LRP2: variants seen among roughly 807,000 people sequenced by gnomAD.
The protein encoded by LRP2 is low-density lipoprotein receptor-related protein 2.
Under a neutral mutation model 531.0 loss-of-function variants are expected in LRP2, and 172 were observed. The observed-to-expected ratio is 0.32, with a 90% CI of 0.29 to 0.37. LRP2 has a LOEUF of 0.37. Ranked by LOEUF, LRP2 falls within the 10% of genes least tolerant of loss-of-function variation. The probability of loss-of-function intolerance (pLI) is 1.00; values close to 1 mark genes in which losing one functional copy is unlikely to be tolerated. For synonymous variants in LRP2, 1,992 were observed against 2,027.6 expected (o/e 0.98, Z 0.47); for missense variants, 5,167 against 5,868.3 (o/e 0.88, Z 3.90).
rs772588594 is a variant in LRP2 at position 169,238,252 on chromosome 2, C to A, written c.4345G>T (p.Asp1449Tyr). The A allele has an allele frequency of 2.5e-6, 4 of 1,614,090 alleles. No individual in the cohort carries two copies. The South Asian group carries it at 3.3e-5, about 13-fold the overall frequency. ...LVASQNKIIA[D>Y]SVTSQVHNIY... Reference sequence around the variant, plus strand: ...TTGTGGACCTGGGAGGTGACACTGTCGGCAATAATTTTGTTCTGACTTGCC... The same window carrying A: ...TTGTGGACCTGGGAGGTGACACTGTAGGCAATAATTTTGTTCTGACTTGCC... The change falls in exon 27 of 79, where the codon GAC (aspartate) becomes TAC (tyrosine). Residue 1449 changes from aspartate (D) to tyrosine (Y), a missense_variant. Coordinates refer to ENST00000649046, the MANE Select transcript of LRP2 (RefSeq NM_004525.3).
At chr2:169,149,221 G>T (rs915103207) in intron 68 of LRP2, among the ~76,000 whole-genome samples, 2 of 152,148 alleles carry the variant, frequency 1.3e-5, no homozygotes, top group Non-Finnish European at 2.9e-5. Context: ...AGAGTAGCTG[G>T]CACACAGCAA....
intron 61 of LRP2, among the ~76,000 whole-genome samples, chr2:169,167,341 A>T (rs945961330): frequency 6.6e-6 from 1 of 152,166 alleles, no homozygotes; most frequent in African/African-American, 2.4e-5. Context: ...TCACAAGTCA[A>T]ATCTCTGGGC....
chr2:169,244,667 C>T (rs1298103464), intron 22 of LRP2, 26 bp downstream of exon 22: 1 of 1,614,042 alleles, frequency 6.2e-7, no homozygotes, highest in African/African-American at 1.3e-5. Flanking sequence ...GGCTGACCAA[C>T]CAAGGGAAAC....
At chr2:169,157,260 G>A in intron 64 of LRP2, 111 bp downstream of exon 64, 1 of 1,152,452 alleles carries the variant, frequency 8.7e-7, no homozygotes. Context: ...GAAACCATGA[G>A]TATGGTACCA....
chr2:169,221,741 A>T (rs1055178676), intron 33 of LRP2, among the ~76,000 whole-genome samples: 1 of 150,604 alleles, frequency 6.6e-6, no homozygotes, highest in African/African-American at 2.4e-5. Context: ...TTTTCTCTAA[A>T]TTTTTTTCTC....
At chr2:169,194,265 C>T (rs1365807542) in intron 46 of LRP2, among the ~76,000 whole-genome samples, 1 of 152,212 alleles carries the variant, frequency 6.6e-6, no homozygotes, top group Admixed American at 6.5e-5. Context: ...AGTCTCCCCT[C>T]GCCTGCACTC....
At chr2:169,342,399 C>A (rs1685587238) in intron 1 of LRP2, among the ~76,000 whole-genome samples, 1 of 152,122 alleles carries the variant, frequency 6.6e-6, no homozygotes, top group Non-Finnish European at 1.5e-5. Context: ...GTGCACAAGT[C>A]TAGTTCTACC....
At chr2:169,292,421 T>G (rs1684021437) in intron 6 of LRP2, 52 bp from the exon 7 acceptor site, 1 of 1,166,726 alleles carries the variant, frequency 8.6e-7, no homozygotes, top group Non-Finnish European at 1.3e-6. Context: ...CGGGAAAAAC[T>G]GAAAGTGCTC....
At chr2:169,281,146 G>A (rs1264916378) in intron 10 of LRP2, among the ~76,000 whole-genome samples, 1 of 152,180 alleles carries the variant, frequency 6.6e-6, no homozygotes, top group East Asian at 1.9e-4. Flanking sequence ...TTAAGGCCAG[G>A]CGCAGTGGCT....
intron 31 of LRP2, among the ~76,000 whole-genome samples, chr2:169,228,909 C>T (rs904511248): frequency 6.6e-6 from 1 of 152,212 alleles, no homozygotes; most frequent in Admixed American, 6.5e-5. Flanking sequence ...GACTTCACAA[C>T]ACTGCACACA....
At chr2:169,278,261 G>T (rs1055254981) in intron 12 of LRP2, among the ~76,000 whole-genome samples, 2 of 152,060 alleles carry the variant, frequency 1.3e-5, no homozygotes, top group African/African-American at 4.8e-5. Flanking sequence ...AACATAGAAG[G>T]ATTGCTTGAG....
intron 32 of LRP2, among the ~76,000 whole-genome samples, chr2:169,226,000 G>A (rs1689187630): frequency 6.6e-6 from 1 of 152,182 alleles, no homozygotes; most frequent in Non-Finnish European, 1.5e-5. Flanking sequence ...CCCTTAGGGA[G>A]CTACTACTTT....
At chr2:169,184,856 G>C (rs1687574906) in intron 50 of LRP2, among the ~76,000 whole-genome samples, 1 of 152,114 alleles carries the variant, frequency 6.6e-6, no homozygotes, top group Non-Finnish European at 1.5e-5. Flanking sequence ...CATCTCCTGG[G>C]CTTAAGGGAT....
rs763655058 is a variant in LRP2, at chr2:169,166,007, G to C, written c.11683C>G (p.Arg3895Gly). 1.9e-6 allele frequency: 3 copies of C among 1,613,978 alleles called. No individual in the cohort carries two copies. The highest frequency in any genetic ancestry group is 2.5e-6 in the Non-Finnish European group (3 of 1,179,914). ...SPNRFRCDNN[R>G]CIYSHEVCNG... ...CACACCTCATGACTATAAATGCAGC[G>C]ATTGTTGTCACACCGGAAACGGTTT... The change falls in exon 62 of 79, where the codon CGC becomes GGC. Residue 3895 changes from arginine (R) to glycine (G), a missense_variant. Around this residue, in one of 6 missense-constraint regions of LRP2, gnomAD observed 564 missense variants for 747.7 expected, o/e 0.75. Coordinates refer to ENST00000649046, the MANE Select transcript of LRP2 (RefSeq NM_004525.3).
intron 16 of LRP2, among the ~76,000 whole-genome samples, chr2:169,268,301 C>T (rs1559048572): frequency 6.6e-6 from 1 of 151,838 alleles, no homozygotes; most frequent in East Asian, 1.9e-4. Flanking sequence ...AGAGACACAA[C>T]AAAAAAAGAG....
chr2:169,163,663 T>A (rs1441372035), intron 62 of LRP2, among the ~76,000 whole-genome samples: 1 of 152,118 alleles, frequency 6.6e-6, no homozygotes, highest in Non-Finnish European at 1.5e-5. Context: ...GGTATGTTTC[T>A]GAGAGAAAGA....
intron 13 of LRP2, 50 bp downstream of exon 13, chr2:169,277,695 C>A (rs749372551): frequency 7.7e-5 from 116 of 1,511,032 alleles, no homozygotes; most frequent in South Asian, 6.8e-5. Context: ...CCATTTTATG[C>A]ACTTTCCCTG....
chr2:169,206,704 G>T lies in LRP2; in HGVS notation c.7016C>A (p.Ala2339Glu). 6.2e-7 allele frequency: 1 copy of T among 1,614,140 alleles called. No homozygotes were observed. The highest frequency in any genetic ancestry group is 2.2e-5 in the East Asian group (1 of 44,882). Residue 2339 changes from alanine to glutamate, a missense_variant, in exon 39 of 79, where the codon GCA becomes GAA. Ala to Glu is a moderately radical substitution (Grantham distance 107). Transcript: ENST00000649046. ...CAAGCAAGGGTTGTTGTTGACCTCTGCTGGTGACCGGGGCTGGACTTGCTT... is the reference window on the plus strand; with the variant it reads ...CAAGCAAGGGTTGTTGTTGACCTCTTCTGGTGACCGGGGCTGGACTTGCTT... ...FDKQVQPRSP[A>E]EVNNNPCLEN...
At chr2:169,337,357 C>T (rs530106129) in intron 1 of LRP2, among the ~76,000 whole-genome samples, 6 of 152,120 alleles carry the variant, frequency 3.9e-5, no homozygotes, top group South Asian at 4.1e-4. Flanking sequence ...CTCCTAACAT[C>T]GTACCACATA....
Sources: gnomAD v4.1 joint callset for allele counts (sites outside exome capture counted in the v4.1 genomes callset) on GRCh38, gnomAD v4.1.1 for gene constraint, gnomAD v4.1.1 regional missense constraint, MANE v1.5 for transcripts, NCBI Gene and HGNC (gene_info 2026-07-23, HGNC 2026-07-21) for gene names.